MTSS1: variants seen among roughly 807,000 people sequenced by gnomAD.
The protein encoded by MTSS1 is protein MTSS 1.
MTSS1 carries 18 observed loss-of-function variants against 79.0 expected under a neutral mutation model. The observed-to-expected ratio is 0.23, with a 90% CI of 0.16 to 0.34. MTSS1 has a LOEUF of 0.34. Among genes scored for constraint, MTSS1 ranks in the 10% least tolerant of loss-of-function variants. The pLI is 1.00. For synonymous variants in MTSS1, 341 were observed against 368.6 expected, an observed-to-expected ratio of 0.93 and a Z score of 0.86; for missense variants, 815 against 986.2, an observed-to-expected ratio of 0.83 and a Z score of 2.33.
chr8:124,656,855 A>T (rs187761955), intron 3 of MTSS1, among the ~76,000 whole-genome samples: 2 of 152,228 alleles, frequency 1.3e-5, no homozygotes, highest in Admixed American at 1.3e-4. Context: ...CCACCCCTGA[A>T]GTATTCCAAC....
intron 8 of MTSS1, 66 bp downstream of exon 8, chr8:124,567,005 C>T: frequency 2.4e-6 from 3 of 1,228,860 alleles, no homozygotes; most frequent in Non-Finnish European, 3.6e-6. Context: ...GCCACAGGAA[C>T]ACTCAGGGCC....
At position 124,552,909 on chromosome 8, in the gene MTSS1, T is replaced by G; in HGVS notation, c.*83A>C. 1 of 1,395,704 alleles carries G rather than the reference T, an allele frequency of 7.2e-7. No individual in the cohort carries two copies. The highest frequency in any genetic ancestry group is 9.8e-7 in the Non-Finnish European group (1 of 1,024,026). 86.5% of individuals were successfully genotyped at this position (1,395,704 alleles called of 1,614,324 possible). On this transcript the variant is annotated 3_prime_UTR_variant, in exon 14 of 14. Transcript: ENST00000518547. ...CGAGTTGCCTACAAAATCTTTTGTTTTATTATAGAGTGGAATGGATCAAGA... is the reference window on the plus strand; with the variant it reads ...CGAGTTGCCTACAAAATCTTTTGTTGTATTATAGAGTGGAATGGATCAAGA...
chr8:124,598,643 A>G (rs547501138), intron 3 of MTSS1, among the ~76,000 whole-genome samples: 22 of 152,226 alleles, frequency 1.4e-4, no homozygotes, highest in African/African-American at 2.9e-4. Flanking sequence ...TAGGCAACAC[A>G]TGTTCTCATA....
chr8:124,572,743 CT>C (rs747243821), intron 6 of MTSS1, among the ~76,000 whole-genome samples: 101 of 123,658 alleles, frequency 8.2e-4, no homozygotes, highest in Admixed American at 1.4e-3. Flanking sequence ...CTTTTCTTTT[CT>C]TTTTTTTTTT....
chr8:124,585,233 C>T lies in MTSS1; in HGVS notation c.386-72G>A, dbSNP rs145558766. On this transcript the variant is annotated intron_variant, in intron 5 of 13. Transcript: ENST00000518547. ...GAAAATATGTTAGGTAGGAAACAGC[C>T]ATTACATTTATCACAGAAAGCATAA... 2.5e-4 allele frequency: 274 copies of T among 1,095,642 alleles called. 1 individual carries two copies. In the African/African-American group the frequency reaches 3.8e-3, roughly 15 times the overall value. 67.9% of individuals were successfully genotyped at this position (1,095,642 alleles called of 1,614,324 possible). A position where few individuals can be genotyped will look rare whatever the true frequency, so the allele number is the denominator to read the frequency against.
At chr8:124,713,799 AGCCTCGACTTCCCAGGCCCCTCATTGCT>A (rs1831513909) in intron 1 of MTSS1, among the ~76,000 whole-genome samples, 1 of 151,730 alleles carries the variant, frequency 6.6e-6, no homozygotes, top group Non-Finnish European at 1.5e-5. Context: ...AGCTCACTGC[AGCCTCGACTTCCCAGGCCCCTCATTGCT>A]GCCTCGACTT....
intron 1 of MTSS1, among the ~76,000 whole-genome samples, chr8:124,705,834 C>A (rs577003607): frequency 6.6e-6 from 1 of 152,316 alleles, no homozygotes; most frequent in South Asian, 2.1e-4. Flanking sequence ...GGCTGTCCTG[C>A]ACATTTAAGA....
At chr8:124,561,781 C>T (rs761734316) in intron 10 of MTSS1, among the ~76,000 whole-genome samples, 1 of 152,026 alleles carries the variant, frequency 6.6e-6, no homozygotes, top group African/African-American at 2.4e-5. Flanking sequence ...AAGCACACAG[C>T]GGGGAAGAGG....
intron 3 of MTSS1, among the ~76,000 whole-genome samples, chr8:124,662,018 G>T (rs955591571): frequency 6.6e-6 from 1 of 152,176 alleles, no homozygotes; most frequent in Non-Finnish European, 1.5e-5. Flanking sequence ...TTAGATTAAA[G>T]AGAAAGGGAA....
At chr8:124,696,275 C>CA (rs1828805965) in intron 3 of MTSS1, among the ~76,000 whole-genome samples, 2 of 151,920 alleles carry the variant, frequency 1.3e-5, no homozygotes, top group Admixed American at 6.6e-5. Context: ...GTGTGAGCCA[C>CA]TGCGCCCAGC....
At chr8:124,607,461 T>C (rs1272263103) in intron 3 of MTSS1, among the ~76,000 whole-genome samples, 1 of 152,232 alleles carries the variant, frequency 6.6e-6, no homozygotes, top group Non-Finnish European at 1.5e-5. Context: ...GGATGGTTTC[T>C]GATCTAAACA....
chr8:124,694,939 A>G (rs1394627973), intron 3 of MTSS1, among the ~76,000 whole-genome samples: 1 of 152,226 alleles, frequency 6.6e-6, no homozygotes, highest in Non-Finnish European at 1.5e-5. Flanking sequence ...GCCTAGTGCT[A>G]ATAAACTGAA....
chr8:124,620,946 A>T (rs555686119), intron 3 of MTSS1, among the ~76,000 whole-genome samples: 29 of 152,338 alleles, frequency 1.9e-4, no homozygotes, highest in African/African-American at 6.7e-4. Context: ...CCTAGTTCAG[A>T]GGTCATCCGC....
chr8:124,622,086 G>C (rs1195745210), intron 3 of MTSS1, among the ~76,000 whole-genome samples: 1 of 147,468 alleles, frequency 6.8e-6, no homozygotes, highest in Non-Finnish European at 1.5e-5. Context: ...GAGAGAGAGA[G>C]AGAGAGAGAG....
At chr8:124,557,316 C>T (rs1260099491) in intron 11 of MTSS1, among the ~76,000 whole-genome samples, 2 of 152,192 alleles carry the variant, frequency 1.3e-5, no homozygotes, top group Non-Finnish European at 2.9e-5. Context: ...ATCATGCTGA[C>T]ACCCTCAGGT....
At chr8:124,651,142 TGTC>T (rs1468959930) in intron 3 of MTSS1, among the ~76,000 whole-genome samples, 3 of 152,256 alleles carry the variant, frequency 2.0e-5, no homozygotes, top group Admixed American at 6.5e-5. Context: ...TCGTGTGTAC[TGTC>T]GTTCTTTAAA....
chr8:124,711,176 G>A (rs989038322), intron 1 of MTSS1, among the ~76,000 whole-genome samples: 1 of 152,190 alleles, frequency 6.6e-6, no homozygotes, highest in Non-Finnish European at 1.5e-5. Flanking sequence ...TTCCCAAGCT[G>A]TAATTTACAT....
chr8:124,551,428 T>G lies in MTSS1; in HGVS notation c.*1564A>C, dbSNP rs1205799979. The G allele has an allele frequency of 1.3e-5, 2 of 152,660 alleles. No individual in the cohort carries two copies. The highest frequency in any genetic ancestry group is 4.8e-5 in the African/African-American group (2 of 41,448). 9.5% of individuals were successfully genotyped at this position (152,660 alleles called of 1,614,324 possible). On this transcript the variant is annotated 3_prime_UTR_variant, in exon 14 of 14. Coordinates refer to ENST00000518547, the MANE Select transcript of MTSS1 (RefSeq NM_014751.6). ...CGCAGCAGTGTTCAATGTTAATATA[T>G]AGAACAATGACCATACGGTACGTTA...
intron 3 of MTSS1, among the ~76,000 whole-genome samples, chr8:124,649,180 C>T (rs1051624862): frequency 6.6e-5 from 10 of 152,328 alleles, no homozygotes; most frequent in Non-Finnish European, 1.2e-4. Flanking sequence ...ACAGCCAGGG[C>T]CATCTGTTTA....
Sources: allele counts gnomAD v4.1 joint callset (sites outside exome capture counted in the v4.1 genomes callset), GRCh38; gene constraint gnomAD v4.1.1; transcripts MANE v1.5; gene names NCBI Gene and HGNC (gene_info 2026-07-23, HGNC 2026-07-21).